Variants in MACROD2 observed in about 807,000 individuals in gnomAD.
MACROD2 encodes ADP-ribose glycohydrolase MACROD2.
A neutral mutation model predicts 70.4 loss-of-function variants in MACROD2; 36 were observed. The ratio of observed to expected loss-of-function variants is 0.51; its 90% CI spans 0.39 to 0.68. The LOEUF (loss-of-function observed/expected upper bound fraction) is 0.68, where lower values mean the gene tolerates loss of function less well. Among genes scored for constraint, MACROD2 ranks in the 30% least tolerant of loss-of-function variants. The probability of loss-of-function intolerance (pLI) is 0.00; values close to 1 mark genes in which losing one functional copy is unlikely to be tolerated. For synonymous variants in MACROD2, 172 were observed against 178.8 expected (o/e 0.96, Z 0.30); for missense variants, 496 against 538.4 (o/e 0.92, Z 0.78).
intron 5 of MACROD2, chr20:14,929,567 G>A (rs2074273164): frequency 6.6e-6 from 1 of 152,110 alleles, no homozygotes; most frequent in Admixed American, 6.6e-5. Context: ...TTACATAGGT[G>A]TGATTGATGA....
At chr20:15,370,357 A>T (rs866674639) in intron 6 of MACROD2, among the ~76,000 whole-genome samples, 5 of 152,184 alleles carry the variant, frequency 3.3e-5, no homozygotes, top group Middle Eastern at 3.4e-3. Context: ...AGCACTTATA[A>T]AAAAGAAGAC....
intron 3 of MACROD2, among the ~76,000 whole-genome samples, chr20:14,341,516 G>A (rs907650854): frequency 3.9e-5 from 6 of 152,294 alleles, no homozygotes; most frequent in African/African-American, 1.2e-4. Flanking sequence ...GCACGTGCCT[G>A]TAATCCCAGC....
At chr20:14,204,004 C>CAG (rs2081502133) in intron 3 of MACROD2, among the ~76,000 whole-genome samples, 1 of 152,142 alleles carries the variant, frequency 6.6e-6, no homozygotes, top group South Asian at 2.1e-4. Context: ...GTAGCTATGG[C>CAG]AGCTTAACCC....
At chr20:14,344,083 A>C (rs892759398) in intron 3 of MACROD2, among the ~76,000 whole-genome samples, 2 of 152,162 alleles carry the variant, frequency 1.3e-5, no homozygotes, top group African/African-American at 4.8e-5. Flanking sequence ...ATTTCTCTGC[A>C]GTCTAGACTA....
intron 4 of MACROD2, among the ~76,000 whole-genome samples, chr20:14,510,296 G>T (rs1323255117): frequency 6.6e-6 from 1 of 151,234 alleles, no homozygotes; most frequent in Admixed American, 6.6e-5. Context: ...AATGTCTCTT[G>T]AGTTTTCAGA....
intron 10 of MACROD2, among the ~76,000 whole-genome samples, chr20:15,906,517 A>T (rs563203207): frequency 6.6e-6 from 1 of 152,322 alleles, no homozygotes; most frequent in Admixed American, 6.5e-5. Context: ...AAATTAGAAC[A>T]TGAATATGGA....
chr20:14,933,638 A>T (rs912243687), intron 5 of MACROD2, among the ~76,000 whole-genome samples: 8 of 52,402 alleles, frequency 1.5e-4, no homozygotes, highest in Admixed American at 6.7e-4. Flanking sequence ...TCAAAAAAAT[A>T]AAAAAAAAAA....
At chr20:14,824,926 C>G (rs1013506747) in intron 5 of MACROD2, among the ~76,000 whole-genome samples, 2 of 152,064 alleles carry the variant, frequency 1.3e-5, no homozygotes, top group Non-Finnish European at 2.9e-5. Context: ...AGGTCTTATT[C>G]GTCCCATTTT....
chr20:14,073,911 G>T (rs1486375598), intron 2 of MACROD2, among the ~76,000 whole-genome samples: 1 of 152,076 alleles, frequency 6.6e-6, no homozygotes, highest in Admixed American at 6.5e-5. Flanking sequence ...GGTCCCTCTG[G>T]ACAAGCCCTT....
intron 4 of MACROD2, among the ~76,000 whole-genome samples, chr20:14,509,084 C>T (rs972668270): frequency 6.6e-6 from 1 of 152,086 alleles, no homozygotes; most frequent in Admixed American, 6.6e-5. Context: ...GGATATTAAA[C>T]TACTGTGCAT....
At chr20:15,392,928 C>T (rs955549271) in intron 6 of MACROD2, among the ~76,000 whole-genome samples, 1 of 151,560 alleles carries the variant, frequency 6.6e-6, no homozygotes, top group African/African-American at 2.4e-5. Context: ...CTACCTAGGA[C>T]ATGCCTTATC....
chr20:14,827,131 G>A (rs989459408), intron 5 of MACROD2, among the ~76,000 whole-genome samples: 1 of 152,080 alleles, frequency 6.6e-6, no homozygotes, highest in Non-Finnish European at 1.5e-5. Flanking sequence ...GTCCTTGGAT[G>A]GCTGTGACAT....
chr20:15,275,282 C>T lies in MACROD2; in HGVS notation c.540+45221C>T, dbSNP rs550252577. Among the ~76,000 whole-genome samples, 3 of 152,320 alleles carry T rather than the reference C, an allele frequency of 2.0e-5. No homozygotes were observed. The South Asian group carries it at 6.2e-4, about 32-fold the overall frequency. ...CAACCTCCCAGGTCATTTTAACATACAGTCAAAGCTGAGAAATTCTGAGGT... is the reference window on the plus strand; with the variant it reads ...CAACCTCCCAGGTCATTTTAACATATAGTCAAAGCTGAGAAATTCTGAGGT... On this transcript the variant is annotated intron_variant, in intron 6 of 17. Coordinates refer to ENST00000684519, the MANE Select transcript of MACROD2 (RefSeq NM_001351661.2).
At chr20:14,767,319 A>AT (rs1220179980) in intron 5 of MACROD2, among the ~76,000 whole-genome samples, 15 of 151,762 alleles carry the variant, frequency 9.9e-5, no homozygotes, top group South Asian at 2.1e-4. Context: ...AAAAGGATTA[A>AT]TTTTTTTTTG....
chr20:14,083,933 C>T (rs1331567658), intron 2 of MACROD2, among the ~76,000 whole-genome samples: 3 of 151,494 alleles, frequency 2.0e-5, no homozygotes, highest in Non-Finnish European at 2.9e-5. Context: ...TGGTGGCGGG[C>T]GGCTGTAGTC....
At chr20:15,478,555 G>C (rs200488200) in intron 7 of MACROD2, among the ~76,000 whole-genome samples, 4 of 4,664 alleles carry the variant, frequency 8.6e-4, no homozygotes, top group African/African-American at 7.7e-3. Flanking sequence ...GTGTGTGTCT[G>C]TGTGTGTGTG....
intron 5 of MACROD2, among the ~76,000 whole-genome samples, chr20:14,829,127 TA>T (rs1338533992): frequency 5.6e-4 from 68 of 121,354 alleles, no homozygotes; most frequent in African/African-American, 1.6e-3. Flanking sequence ...GTTGCAGAAC[TA>T]TTTTTTTTTT....
intron 3 of MACROD2, among the ~76,000 whole-genome samples, chr20:14,368,369 C>G (rs1244387864): frequency 6.6e-6 from 1 of 152,102 alleles, no homozygotes. Flanking sequence ...CAGTGAAACC[C>G]TGTCTCTACT....
At chr20:15,575,022 C>T (rs2048426237) in intron 8 of MACROD2, among the ~76,000 whole-genome samples, 1 of 152,102 alleles carries the variant, frequency 6.6e-6, no homozygotes, top group African/African-American at 2.4e-5. Flanking sequence ...TTGCAGCCTC[C>T]ATAGATATAA....
Sources: gnomAD v4.1 joint callset for allele counts (sites outside exome capture counted in the v4.1 genomes callset) on GRCh38, gnomAD v4.1.1 for gene constraint, MANE v1.5 for transcripts, NCBI Gene and HGNC (gene_info 2026-07-23, HGNC 2026-07-21) for gene names.